Variants in CHAT observed in about 807,000 individuals in gnomAD.
The protein encoded by CHAT is acetyl CoA:choline O-acetyltransferase.
Under a neutral mutation model 76.9 loss-of-function variants are expected in CHAT, and 61 were observed. The ratio of observed to expected loss-of-function variants is 0.79; its 90% CI spans 0.65 to 0.98. CHAT has a LOEUF of 0.98. Among genes scored for constraint, CHAT ranks in the 50% least tolerant of loss-of-function variants. CHAT has a pLI of 0.00. For missense variants in CHAT, 946 were observed against 986.9 expected (o/e 0.96, Z 0.56); for synonymous variants, 407 against 397.4 (o/e 1.02, Z -0.29).
At chr10:49,623,456 C>T (rs1209155934) in intron 5 of CHAT, among the ~76,000 whole-genome samples, 2 of 152,136 alleles carry the variant, frequency 1.3e-5, no homozygotes, top group African/African-American at 2.4e-5. Context: ...AATTAATTTA[C>T]TTATTCACTT....
chr10:49,659,659 C>G (rs1007821905), intron 13 of CHAT, among the ~76,000 whole-genome samples: 16 of 152,040 alleles, frequency 1.1e-4, no homozygotes, highest in Non-Finnish European at 7.4e-5. Flanking sequence ...GTCAGGAATT[C>G]AAGACCAGCC....
chr10:49,648,298 G>A (rs186166023), intron 8 of CHAT, among the ~76,000 whole-genome samples: 123 of 152,282 alleles, frequency 8.1e-4, no homozygotes, highest in African/African-American at 2.8e-3. Flanking sequence ...CAGCTTTTAC[G>A]GGAAAGAGGT....
At chr10:49,648,376 C>T in intron 8 of CHAT, 131 bp from the exon 9 acceptor site, 1 of 713,934 alleles carries the variant, frequency 1.4e-6, no homozygotes, top group East Asian at 2.7e-5. Context: ...GTGTTCTCTT[C>T]AGGAAATAAT....
At chr10:49,647,555 T>C (rs899214222) in intron 8 of CHAT, among the ~76,000 whole-genome samples, 37 of 152,308 alleles carry the variant, frequency 2.4e-4, no homozygotes, top group African/African-American at 8.4e-4. Context: ...AGGTTTTCCT[T>C]TTTATTGGTT....
At chr10:49,611,251 T>C (rs545851472), upstream of CHAT, 46 of 1,613,256 alleles carry the variant, frequency 2.9e-5, no homozygotes, top group South Asian at 1.3e-4. Flanking sequence ...CCTGTTCGCC[T>C]TCGCCGAGGA....
rs943228006 is a variant in CHAT, at chr10:49,667,398, C to G, written c.*2352C>G. 3.9e-5 allele frequency among the ~76,000 whole-genome samples: 6 copies of G among 152,194 alleles called. No homozygotes were observed. The highest frequency in any genetic ancestry group is 1.4e-4 in the African/African-American group (6 of 41,448). ...ACTCATATTTGCTATTCTCCGAGCA[C>G]ATGGAAAGGTAACTCACTCTGTACA... On this transcript the variant is annotated 3_prime_UTR_variant, in exon 15 of 15. Coordinates refer to ENST00000337653, the MANE Select transcript of CHAT (RefSeq NM_020549.5).
intron 5 of CHAT, 31 bp downstream of exon 5, chr10:49,622,181 GCA>G (rs1564473792): frequency 1.2e-6 from 2 of 1,607,946 alleles, no homozygotes; most frequent in African/African-American, 2.7e-5. Context: ...CCCTGTTCCA[GCA>G]CAGTCTGCCT....
chr10:49,627,985 T>A (rs1838985728), intron 7 of CHAT, among the ~76,000 whole-genome samples, 200 bp downstream of exon 7: 1 of 152,038 alleles, frequency 6.6e-6, no homozygotes, highest in South Asian at 2.1e-4. Context: ...TCTGACAGTA[T>A]CTGGCTTTCT....
Position 49,641,667 on chromosome 10 carries a change from G to A in CHAT, c.1112-4838G>A, listed in dbSNP as rs149299798. Among the ~76,000 whole-genome samples, 889 of 152,286 alleles carry A rather than the reference G, an allele frequency of 5.8e-3. 2 individuals are homozygous for A. The highest frequency in any genetic ancestry group is 0.01 in the Non-Finnish European group (695 of 68,018). On this transcript the variant is annotated intron_variant, in intron 7 of 14. Transcript: ENST00000337653. ...AGTACTCCTTCATCAGGGGAGGAAA[G>A]ATGCTGAGATAGGATTGGGAAAGGT...
At chr10:49,619,057 T>C (rs1838602958) in intron 2 of CHAT, among the ~76,000 whole-genome samples, 1 of 152,166 alleles carries the variant, frequency 6.6e-6, no homozygotes, top group Non-Finnish European at 1.5e-5. Flanking sequence ...TAGGAGGGAC[T>C]TATAAGAAGC....
chr10:49,617,078 C>T (rs1290996558), intron 2 of CHAT, among the ~76,000 whole-genome samples: 1 of 152,190 alleles, frequency 6.6e-6, no homozygotes, highest in Non-Finnish European at 1.5e-5. Context: ...CTCCCTCCCG[C>T]CCCAGCCAGC....
chr10:49,615,164 A>AG (rs558881126), intron 1 of CHAT, among the ~76,000 whole-genome samples: 80 of 69,940 alleles, frequency 1.1e-3, no homozygotes, highest in South Asian at 4.9e-3. Flanking sequence ...AATGGGGGGG[A>AG]GGGGGGGGCT....
chr10:49,641,420 A>G (rs867210954), intron 7 of CHAT, among the ~76,000 whole-genome samples: 4 of 152,120 alleles, frequency 2.6e-5, no homozygotes, highest in African/African-American at 2.4e-5. Context: ...AGGAATGGGG[A>G]AAAGTATATG....
intron 2 of CHAT, among the ~76,000 whole-genome samples, chr10:49,617,608 C>T (rs1838545542): frequency 6.6e-6 from 1 of 152,202 alleles, no homozygotes; most frequent in Admixed American, 6.5e-5. Context: ...AGTCACAGCG[C>T]ACTGTCAGAG....
Position 49,617,776 on chromosome 10 carries a change from G to T in CHAT, c.387+1174G>T, listed in dbSNP as rs78516803. Among the ~76,000 whole-genome samples the T allele has an allele frequency of 7.0e-4, 107 of 152,268 alleles. 5 individuals are homozygous for T. In the East Asian group the frequency reaches 0.019, roughly 27 times the overall value. ...AAGAGATGGAAGAACAAGATCAGCT[G>T]GGTTGGGGGCCCAGACCTGGCTCAC... is the stretch of plus-strand genomic sequence containing the variant. On this transcript the variant is annotated intron_variant, in intron 2 of 14. Transcript: ENST00000337653.
chr10:49,625,616 C>T lies in CHAT; in HGVS notation c.896C>T (p.Pro299Leu), dbSNP rs868749. The change falls in exon 6 of 15, where the codon CCG becomes CTG. Residue 299 changes from proline to leucine, a missense_variant. Coordinates refer to ENST00000337653, the MANE Select transcript of CHAT (RefSeq NM_020549.5). ...GTGGCTCAGAACAGCAGCATCATGC[C>T]GGAGCCTGAGCACGTCATCGTAGCC... is the stretch of plus-strand genomic sequence containing the variant. The part of the protein sequence containing the change: ...TLVAQNSSIM[P>L]EPEHVIVACC... The T allele has an allele frequency of 7.1e-4, 1,125 of 1,595,084 alleles. 11 individuals are homozygous for T. In the African/African-American group the frequency reaches 0.014, roughly 19 times the overall value.
chr10:49,641,387 A>G (rs1272640197), intron 7 of CHAT, among the ~76,000 whole-genome samples: 1 of 152,182 alleles, frequency 6.6e-6, no homozygotes, highest in Non-Finnish European at 1.5e-5. Flanking sequence ...TGTTTTGAAT[A>G]AAATGTCCAA....
chr10:49,639,269 A>G (rs965571733), intron 7 of CHAT, among the ~76,000 whole-genome samples: 2 of 152,038 alleles, frequency 1.3e-5, no homozygotes, highest in Admixed American at 6.6e-5. Flanking sequence ...CAAACAAAAA[A>G]ACACTTTATT....
At chr10:49,629,457 G>A (rs180716201) in intron 7 of CHAT, among the ~76,000 whole-genome samples, 1 of 152,360 alleles carries the variant, frequency 6.6e-6, no homozygotes. Flanking sequence ...TCCGCAGTGA[G>A]TTAATTCCCT....
Sources: gnomAD v4.1 joint callset for allele counts (sites outside exome capture counted in the v4.1 genomes callset) on GRCh38, gnomAD v4.1.1 for gene constraint, MANE v1.5 for transcripts, NCBI Gene and HGNC (gene_info 2026-07-23, HGNC 2026-07-21) for gene names.